TTBK2: variants seen among roughly 807,000 people sequenced by gnomAD.
TTBK2 encodes the protein tau tubulin kinase 2, also known as tau-tubulin kinase 2.
In TTBK2, 28 loss-of-function variants were observed where a neutral mutation model predicts 110.8. That is an observed-to-expected ratio of 0.25 (90% CI 0.19 to 0.35). The LOEUF is 0.35. Among genes scored for constraint, TTBK2 ranks in the 10% least tolerant of loss-of-function variants. The probability of loss-of-function intolerance (pLI) is 1.00; values close to 1 mark genes in which losing one functional copy is unlikely to be tolerated. For synonymous variants in TTBK2, 532 were observed against 527.3 expected, an observed-to-expected ratio of 1.01 and a Z score of -0.12; for missense variants, 1,369 against 1,500.3, an observed-to-expected ratio of 0.91 and a Z score of 1.45.
intron 10 of TTBK2, among the ~76,000 whole-genome samples, chr15:42,792,851 T>A (rs936533126): frequency 6.6e-6 from 1 of 152,232 alleles, no homozygotes; most frequent in Non-Finnish European, 1.5e-5. Context: ...AGCTTTAGTT[T>A]TCCTTCTTTG....
chr15:42,779,524 T>C (rs1890091336), intron 11 of TTBK2, among the ~76,000 whole-genome samples: 1 of 151,744 alleles, frequency 6.6e-6, no homozygotes, highest in African/African-American at 2.4e-5. Context: ...AGAAAATACA[T>C]TTATAGAAAG....
chr15:42,783,746 A>C, intron 10 of TTBK2, 111 bp from the exon 11 acceptor site: 1 of 692,338 alleles, frequency 1.4e-6, no homozygotes, highest in Admixed American at 3.2e-5. Flanking sequence ...AAGAGAGTTA[A>C]AAAAAAAAAA....
Position 42,829,939 on chromosome 15 carries a change from G to A in TTBK2, c.431C>T (p.Pro144Leu). 1.9e-6 allele frequency: 3 copies of A among 1,613,962 alleles called. No individual in the cohort carries two copies. The highest frequency in any genetic ancestry group is 2.5e-6 in the Non-Finnish European group (3 of 1,179,978). Residue 144 changes from proline to leucine, a missense_variant and splice_region_variant, in exon 5 of 15, where the codon CCG becomes CTG. By Grantham distance (98) the Pro-to-Leu change is moderately conservative. Coordinates refer to ENST00000267890, the MANE Select transcript of TTBK2 (RefSeq NM_173500.4). ...SVGFLHRDIK[P>L]SNFAMGRFPS... Reference sequence around the variant, plus strand: ...GCTCTGGATAGAAAAGGTCCCTACCGGTTTGATGTCTCGATGCAAGAATCC... The same window carrying A: ...GCTCTGGATAGAAAAGGTCCCTACCAGTTTGATGTCTCGATGCAAGAATCC...
chr15:42,777,170 T>C lies in TTBK2; in HGVS notation c.1270A>G (p.Ile424Val). 6.2e-7 allele frequency: 1 copy of C among 1,614,092 alleles called. No individual in the cohort carries two copies. The highest frequency in any genetic ancestry group is 2.2e-5 in the East Asian group (1 of 44,888). The change falls in exon 12 of 15, where the codon ATT (isoleucine) becomes GTT (valine). Residue 424 changes from isoleucine to valine, a missense_variant. By Grantham distance (29) the Ile-to-Val change is conservative (BLOSUM62 3). Transcript: ENST00000267890. ...LLNAPSLGSP[I>V]RVRSEITQPD... is the part of the protein sequence containing the mutation. ...TGAGTAATCTCTGAGCGGACACGAA[T>C]TGGTGACCCAAGGCTTGGAGCATTG...
chr15:42,885,463 C>A (rs1895204397), intron 1 of TTBK2, among the ~76,000 whole-genome samples: 1 of 152,208 alleles, frequency 6.6e-6, no homozygotes, highest in Admixed American at 6.5e-5. Flanking sequence ...ACAAAGGAGA[C>A]ACATTTTATC....
In TTBK2 at chr15:42,777,110, G is replaced by C. The variant is rs780766324; in HGVS notation, c.1330C>G (p.Arg444Gly). The C allele has an allele frequency of 1.9e-6, 3 of 1,614,050 alleles. No homozygotes were observed. The highest frequency in any genetic ancestry group is 2.7e-5 in the African/African-American group (2 of 74,900). ...TCCAGCTCAAAGCTGTGAATGGAAC[G>C]TAACTTTCGCACCAGTGGAATATCT... ...DRDIPLVRKL[R>G]SIHSFELEKR... The change falls in exon 12 of 15, where the codon CGT becomes GGT. Residue 444 changes from arginine (R) to glycine (G), a missense_variant. Transcript: ENST00000267890.
At chr15:42,797,180 ACAG>A (rs1890981318) in intron 9 of TTBK2, among the ~76,000 whole-genome samples, 1 of 152,230 alleles carries the variant, frequency 6.6e-6, no homozygotes, top group African/African-American at 2.4e-5. Flanking sequence ...GAATCCCCAT[ACAG>A]GGGAGCCTTG....
intron 9 of TTBK2, among the ~76,000 whole-genome samples, chr15:42,796,179 G>A (rs1038634482): frequency 2.6e-5 from 4 of 152,116 alleles, no homozygotes; most frequent in South Asian, 2.1e-4. Context: ...TGAGGTGGGC[G>A]GATCACTTGA....
intron 1 of TTBK2, among the ~76,000 whole-genome samples, chr15:42,887,942 G>C (rs1253792415): frequency 1.8e-5 from 1 of 56,024 alleles, no homozygotes; most frequent in Non-Finnish European, 3.0e-5. Flanking sequence ...GTGCTCTCCC[G>C]CTGATCGTGT....
chr15:42,908,457 C>T (rs1037532232), intron 1 of TTBK2, among the ~76,000 whole-genome samples: 4 of 152,104 alleles, frequency 2.6e-5, no homozygotes, highest in African/African-American at 7.2e-5. Context: ...GGTAACAGAA[C>T]AAGACCCTGT....
intron 1 of TTBK2, among the ~76,000 whole-genome samples, chr15:42,912,108 AG>A (rs2030792971): frequency 1.3e-5 from 2 of 152,182 alleles, no homozygotes; most frequent in Non-Finnish European, 1.5e-5. Context: ...CTACGTGAAA[AG>A]GGTGCTTATT....
intron 5 of TTBK2, among the ~76,000 whole-genome samples, chr15:42,828,454 G>A (rs890038286): frequency 5.9e-5 from 9 of 151,340 alleles, no homozygotes; most frequent in East Asian, 1.9e-4. Context: ...GGTGACTCAC[G>A]CCTATACTCC....
At chr15:42,837,933 C>T (rs1298642031) in intron 4 of TTBK2, among the ~76,000 whole-genome samples, 2 of 152,020 alleles carry the variant, frequency 1.3e-5, no homozygotes, top group Non-Finnish European at 2.9e-5. Context: ...ACCTGCTGGG[C>T]GCGGTGGCTC....
At chr15:42,903,258 C>G (rs1017490171) in intron 1 of TTBK2, among the ~76,000 whole-genome samples, 5 of 151,860 alleles carry the variant, frequency 3.3e-5, no homozygotes, top group Non-Finnish European at 7.4e-5. Flanking sequence ...TGATGGTTAC[C>G]AAGGGCCATG....
intron 6 of TTBK2, among the ~76,000 whole-genome samples, chr15:42,823,516 C>A (rs185385894): frequency 2.6e-4 from 39 of 152,276 alleles, no homozygotes; most frequent in African/African-American, 9.1e-4. Flanking sequence ...TGCCTTCTGA[C>A]TGATGGTCCT....
intron 9 of TTBK2, among the ~76,000 whole-genome samples, chr15:42,805,429 CT>C (rs982458127): frequency 1.3e-5 from 2 of 152,102 alleles, no homozygotes; most frequent in Non-Finnish European, 2.9e-5. Flanking sequence ...CTGAGTTGGG[CT>C]TTCAATTTCA....
intron 3 of TTBK2, among the ~76,000 whole-genome samples, chr15:42,867,563 G>T (rs183476639): frequency 6.6e-6 from 1 of 152,042 alleles, no homozygotes; most frequent in Non-Finnish European, 1.5e-5. Flanking sequence ...TATACAGATG[G>T]CAAATAAGCA....
chr15:42,778,660 T>C (rs1239433149), intron 11 of TTBK2, among the ~76,000 whole-genome samples: 1 of 151,564 alleles, frequency 6.6e-6, no homozygotes, highest in Non-Finnish European at 1.5e-5. Flanking sequence ...AGACCAAGAT[T>C]CCATCTCAAA....
intron 1 of TTBK2, among the ~76,000 whole-genome samples, chr15:42,908,430 C>T (rs910049497): frequency 2.6e-5 from 4 of 152,158 alleles, no homozygotes; most frequent in African/African-American, 9.7e-5. Flanking sequence ...ATGATTGTGC[C>T]ACTGCATTCC....
Sources: gnomAD v4.1 joint callset for allele counts (sites outside exome capture counted in the v4.1 genomes callset) on GRCh38, gnomAD v4.1.1 for gene constraint, MANE v1.5 for transcripts, NCBI Gene and HGNC (gene_info 2026-07-23, HGNC 2026-07-21) for gene names.